SLC26A7: variants seen among roughly 807,000 people sequenced by gnomAD.
The protein encoded by SLC26A7 is anion exchange transporter.
A neutral mutation model predicts 82.5 loss-of-function variants in SLC26A7; 59 were observed. The observed-to-expected ratio is 0.72, with a 90% confidence interval of 0.58 to 0.89. The LOEUF is 0.89. Among genes scored for constraint, SLC26A7 ranks in the 40% least tolerant of loss-of-function variants. SLC26A7 has a pLI of 0.00. For missense variants in SLC26A7, 820 were observed against 793.0 expected (o/e 1.03, Z -0.41); for synonymous variants, 271 against 274.3 (o/e 0.99, Z 0.12).
chr8:91,262,334 A>G (rs529672582), intron 2 of SLC26A7, among the ~76,000 whole-genome samples: 2 of 152,186 alleles, frequency 1.3e-5, no homozygotes, highest in African/African-American at 4.8e-5. Flanking sequence ...AAATGGAGAA[A>G]CTAGTCAGGA....
intron 15 of SLC26A7, among the ~76,000 whole-genome samples, chr8:91,383,326 A>G (rs1353567782): frequency 6.6e-6 from 1 of 152,162 alleles, no homozygotes; most frequent in Non-Finnish European, 1.5e-5. Context: ...AAAACAGCTA[A>G]AAGGAAAAGT....
At chr8:91,252,349 C>T (rs1810682572) in intron 2 of SLC26A7, among the ~76,000 whole-genome samples, 1 of 151,890 alleles carries the variant, frequency 6.6e-6, no homozygotes, top group Non-Finnish European at 1.5e-5. Context: ...TAGCAAGAAG[C>T]TGTTTTAAAT....
At chr8:91,382,883 T>C (rs1563711614) in intron 15 of SLC26A7, among the ~76,000 whole-genome samples, 1 of 152,122 alleles carries the variant, frequency 6.6e-6, no homozygotes, top group Non-Finnish European at 1.5e-5. Context: ...TTAAAATAAT[T>C]AAAATAATTA....
chr8:91,327,183 G>A (rs777448915), intron 5 of SLC26A7, among the ~76,000 whole-genome samples: 10 of 152,068 alleles, frequency 6.6e-5, no homozygotes, highest in Non-Finnish European at 1.3e-4. Context: ...ATGGTGAGGA[G>A]GTTTTATGTT....
At chr8:91,227,089 T>G (rs4407839) in intron 2 of SLC26A7, among the ~76,000 whole-genome samples, 3,145 of 152,316 alleles carry the variant, frequency 0.021, 100 homozygotes, top group African/African-American at 0.072. Flanking sequence ...CACATATACA[T>G]GTATGTGTAT....
intron 2 of SLC26A7, among the ~76,000 whole-genome samples, chr8:91,282,072 A>G (rs1811588978): frequency 6.6e-6 from 1 of 152,128 alleles, no homozygotes; most frequent in East Asian, 1.9e-4. Context: ...TGTTAGATTC[A>G]GTTTGATCTC....
At position 91,396,183 on chromosome 8, in the gene SLC26A7, A is replaced by G. The variant is rs1808568788; in HGVS notation, c.*1086A>G. ...ACTGTATGTTACTGTTTTCATGCTT[A>G]TACATATATTTTCAATCACATACAA... On this transcript the variant is annotated 3_prime_UTR_variant, in exon 19 of 19. Transcript: ENST00000276609. 6.6e-6 allele frequency: 1 copy of G among 152,058 alleles called. No individual in the cohort carries two copies. Among genetic ancestry groups the G allele is most frequent in the Admixed American group, 6.5e-5 (1 of 15,268 alleles). The allele number at this position is 152,058 out of a possible 1,614,324, so 9.4% of individuals were successfully genotyped here. A position where few individuals can be genotyped will look rare whatever the true frequency, so the allele number is the denominator to read the frequency against.
chr8:91,258,825 G>T (rs539659633), intron 2 of SLC26A7, among the ~76,000 whole-genome samples: 1 of 152,080 alleles, frequency 6.6e-6, no homozygotes, highest in Non-Finnish European at 1.5e-5. Context: ...TACCCTGCTA[G>T]TTAGGATGTC....
chr8:91,223,320 C>G (rs1406979641), intron 2 of SLC26A7, among the ~76,000 whole-genome samples: 1 of 151,954 alleles, frequency 6.6e-6, no homozygotes, highest in African/African-American at 2.4e-5. Flanking sequence ...TTTTTCATGT[C>G]TCTAATTCCT....
Position 91,249,674 on chromosome 8 carries a change from A to G in SLC26A7, c.23A>G (p.Lys8Arg). The G allele has an allele frequency of 6.5e-7, 1 of 1,548,390 alleles. No individual in the cohort carries two copies. The highest frequency in any genetic ancestry group is 8.7e-7 in the Non-Finnish European group (1 of 1,152,486). Residue 8 changes from lysine to arginine, a missense_variant, in exon 2 of 19, where the codon AAG (lysine) becomes AGG (arginine). Transcript: ENST00000276609. ...AAAATGACAGGAGCAAAGAGGAAAA[A>G]GAAAAGCATGCTTTGGAGCAAGATG... MTGAKRKKKSMLWSKMHT... is the reference protein window; with the variant it reads MTGAKRKRKSMLWSKMHT...
intron 4 of SLC26A7, among the ~76,000 whole-genome samples, chr8:91,310,743 C>A (rs1026036634): frequency 6.6e-6 from 1 of 151,826 alleles, no homozygotes; most frequent in Non-Finnish European, 1.5e-5. Flanking sequence ...ATGCTCCCCT[C>A]CCAAGTGCTA....
chr8:91,393,385 T>C (rs1282947172), intron 16 of SLC26A7, among the ~76,000 whole-genome samples: 2 of 152,116 alleles, frequency 1.3e-5, no homozygotes, highest in Non-Finnish European at 2.9e-5. Flanking sequence ...TGCACCGGGT[T>C]TGTAGAGCCC....
rs573260406 is a variant in SLC26A7 at position 91,219,338 on chromosome 8, T to C, written c.-34+333T>C. On this transcript the variant is annotated intron_variant, in intron 2 of 5. Transcript: ENST00000522862. ...AAGAGACTTTGACGGGGAAAAGTATTTATTTTATGAATGTTTTGCAATTGA... is the reference window on the plus strand; with the variant it reads ...AAGAGACTTTGACGGGGAAAAGTATCTATTTTATGAATGTTTTGCAATTGA... 4 of 165,874 alleles carry C rather than the reference T, an allele frequency of 2.4e-5. No homozygotes were observed. In the Admixed American group the frequency reaches 2.6e-4, roughly 11 times the overall value. 10.3% of individuals were successfully genotyped at this position (165,874 alleles called of 1,614,324 possible).
intron 2 of SLC26A7, among the ~76,000 whole-genome samples, chr8:91,283,919 G>T (rs1482681351): frequency 2.0e-5 from 3 of 152,072 alleles, no homozygotes; most frequent in African/African-American, 7.2e-5. Context: ...AAATCCTAGA[G>T]TTCCTTTTCT....
At chr8:91,389,198 C>A in intron 15 of SLC26A7, 140 bp from the exon 16 acceptor site, 1 of 637,910 alleles carries the variant, frequency 1.6e-6, no homozygotes, top group South Asian at 2.0e-5. Flanking sequence ...TAATAATTTA[C>A]TGAAAAATGT....
chr8:91,293,527 C>T (rs936014025), intron 3 of SLC26A7, among the ~76,000 whole-genome samples: 1 of 152,168 alleles, frequency 6.6e-6, no homozygotes, highest in African/African-American at 2.4e-5. Context: ...TCCACATTGG[C>T]GTGGTGGATA....
intron 2 of SLC26A7, among the ~76,000 whole-genome samples, chr8:91,288,906 G>A (rs1811785549): frequency 6.6e-6 from 1 of 152,124 alleles, no homozygotes; most frequent in Non-Finnish European, 1.5e-5. Context: ...AGACATCTCT[G>A]CAATCAAAGG....
intron 11 of SLC26A7, among the ~76,000 whole-genome samples, chr8:91,361,809 A>G (rs1423202416): frequency 6.6e-6 from 1 of 152,126 alleles, no homozygotes; most frequent in Admixed American, 6.5e-5. Flanking sequence ...CCCCTTACAA[A>G]TAAAACTATA....
chr8:91,302,667 A>G (rs1812199480), intron 4 of SLC26A7, among the ~76,000 whole-genome samples: 1 of 152,108 alleles, frequency 6.6e-6, no homozygotes, highest in South Asian at 2.1e-4. Context: ...GACAATAAAA[A>G]TATCTGTAAT....
Sources: allele counts gnomAD v4.1 joint callset (sites outside exome capture counted in the v4.1 genomes callset), GRCh38; gene constraint gnomAD v4.1.1; transcripts MANE v1.5; gene names NCBI Gene and HGNC (gene_info 2026-07-23, HGNC 2026-07-21).